The following WTAP variants were observed in gnomAD, a reference collection of about 807,000 sequenced individuals.
The protein encoded by WTAP is WT1 associated protein, also known as pre-mRNA-splicing regulator WTAP.
In WTAP, 8 loss-of-function variants were observed where a neutral mutation model predicts 50.0. That is an observed-to-expected ratio of 0.16 (90% CI 0.09 to 0.29). WTAP has a LOEUF of 0.29. Among genes scored for constraint, WTAP ranks in the 10% least tolerant of loss-of-function variants. The pLI is 1.00. For synonymous variants in WTAP, 194 were observed against 169.0 expected (o/e 1.15, Z -1.15); for missense variants, 295 against 470.7 (o/e 0.63, Z 3.45).
chr6:159,754,577 T>G (rs1205432851), intron 7 of WTAP, among the ~76,000 whole-genome samples: 1 of 152,194 alleles, frequency 6.6e-6, no homozygotes, highest in African/African-American at 2.4e-5. Flanking sequence ...AGTAAGCCCC[T>G]CATATAAAAT....
chr6:159,731,636 CTG>C (rs1241258795), intron 1 of WTAP, among the ~76,000 whole-genome samples: 5 of 152,140 alleles, frequency 3.3e-5, no homozygotes, highest in African/African-American at 9.7e-5. Context: ...AACACTGAGT[CTG>C]TGTTTTTGAT....
chr6:159,743,174 A>G (rs560429873), intron 4 of WTAP, among the ~76,000 whole-genome samples: 2 of 152,298 alleles, frequency 1.3e-5, no homozygotes, highest in South Asian at 4.1e-4. Context: ...CAGCCTCCCA[A>G]GTAGCTGGGA....
upstream of WTAP, chr6:159,727,098 G>C (rs935028945): frequency 6.7e-6 from 8 of 1,194,226 alleles, no homozygotes; most frequent in African/African-American, 1.1e-4. Context: ...GACCTCGCTG[G>C]CCCGCCCCTC....
At chr6:159,746,669 A>G (rs1341739721) in intron 5 of WTAP, among the ~76,000 whole-genome samples, 1 of 152,152 alleles carries the variant, frequency 6.6e-6, no homozygotes, top group Non-Finnish European at 1.5e-5. Flanking sequence ...TCTTAACTAT[A>G]TTTTATTTTG....
At chr6:159,731,949 A>G (rs916224165) in intron 1 of WTAP, among the ~76,000 whole-genome samples, 2 of 151,598 alleles carry the variant, frequency 1.3e-5, no homozygotes, top group Non-Finnish European at 2.9e-5. Flanking sequence ...TTAGTGGAAT[A>G]AGAATATGGA....
rs6939440 is a variant in WTAP at position 159,736,681 on chromosome 6, C to T, written c.30+386C>T. ...TATTATTCTTTTCCTAGTGTAAATC[C>T]CTTTGATTGTAATTAAAAACTACTT... On this transcript the variant is annotated intron_variant, in intron 2 of 7. Transcript: ENST00000621533. The T allele has an allele frequency of 5.1e-3, 795 of 156,798 alleles. 5 individuals are homozygous for T. The highest frequency in any genetic ancestry group is 0.018 in the African/African-American group (751 of 41,624). The allele number at this position is 156,798 out of a possible 1,614,324, so 9.7% of individuals were successfully genotyped here.
In WTAP at chr6:159,736,315, G is replaced by GT. The variant is rs765895545; in HGVS notation, c.30+27dup. 1.9e-5 allele frequency: 30 copies of GT among 1,592,342 alleles called. No individual in the cohort carries two copies. The highest frequency in any genetic ancestry group is 1.7e-4 in the Middle Eastern group (1 of 6,000). The stretch of plus-strand genomic sequence containing the variant: ...AAGAAGGTATGGGTTTTGGTTTTGG[G>GT]TTTTTTTGTTTTGTTTTGGGTTTTT... On this transcript the variant is annotated intron_variant, in intron 2 of 7. Transcript: ENST00000621533.
At chr6:159,750,847 G>A (rs1459852800) in intron 6 of WTAP, among the ~76,000 whole-genome samples, 2 of 11,284 alleles carry the variant, frequency 1.8e-4, no homozygotes, top group East Asian at 1.1e-3. Context: ...AGGCAATCCC[G>A]TCTGGAATAT....
intron 3 of WTAP, 65 bp from the exon 4 acceptor site, chr6:159,742,023 A>G (rs566988222): frequency 2.9e-5 from 33 of 1,157,192 alleles, no homozygotes; most frequent in Non-Finnish European, 3.8e-5. Flanking sequence ...GTTTATAGAT[A>G]TCTTCTAGTT....
rs77349174 is a variant in WTAP, at chr6:159,741,837, C to T, written c.87-251C>T. The T allele has an allele frequency of 1.0e-2, 3,154 of 315,606 alleles. 116 individuals carry two copies. The highest frequency in any genetic ancestry group is 0.066 in the African/African-American group (2,921 of 44,404). The allele number at this position is 315,606 out of a possible 1,614,324, so 19.6% of individuals were successfully genotyped here. On this transcript the variant is annotated intron_variant, in intron 3 of 7. Transcript: ENST00000621533. ...ACCCCATCTCTACAAAAAAATGAGC[C>T]ATGTGCCTTTGGTCCCAGCTATACA...
At position 159,755,736 on chromosome 6, in the gene WTAP, GT is replaced by G. The variant is rs1277039315; in HGVS notation, c.*133del. On this transcript the variant is annotated 3_prime_UTR_variant, in exon 8 of 8. Transcript: ENST00000621533. Reference sequence around the variant, plus strand: ...GTGTACGTTTTGGTTTTTTTTTGTTGTTTTTTTTCTTTGTTTTTTTTTTCTT... The same window carrying G: ...GTGTACGTTTTGGTTTTTTTTTGTTGTTTTTTTCTTTGTTTTTTTTTTCTT... 7.1e-5 allele frequency: 26 copies of G among 364,958 alleles called. No homozygotes were observed. The highest frequency in any genetic ancestry group is 4.5e-4 in the African/African-American group (6 of 13,240). 22.6% of individuals were successfully genotyped at this position (364,958 alleles called of 1,614,324 possible). A position where few individuals can be genotyped will look rare whatever the true frequency, so the allele number is the denominator to read the frequency against.
Position 159,739,034 on chromosome 6 carries a change from G to A in WTAP, c.75G>A (p.Glu25=). ...ACTTCAAAGTTATGGCAAGAGATGA[G>A]TTAATTCTAAGGTAAAATGTTCTCT... ...ETDFKVMARD[E]LILRWKQYEA... Residue 25 remains glutamate (E), a synonymous_variant, in exon 3 of 8, where the codon GAG becomes GAA. Transcript: ENST00000621533. 1.2e-6 allele frequency: 2 copies of A among 1,610,974 alleles called. No individual in the cohort carries two copies. The highest frequency in any genetic ancestry group is 2.2e-5 in the East Asian group (1 of 44,628).
Position 159,755,607 on chromosome 6 carries a change from T to A in WTAP, c.1187T>A (p.Leu396Ter). ...AGTGTAAATGTACAGGGTTCAGTTT[T>A]GTAATATTTTTTCAGCAAATTTTTA... ...DSSVNVQGSVL is the reference protein window; with the variant it reads ...DSSVNVQGSV The change falls in exon 8 of 8, where the codon TTG (leucine) becomes TAG (stop). Residue 396 changes from leucine (L) to a stop codon, truncating the protein, a stop_gained. Transcript: ENST00000621533. LOFTEE classifies it high-confidence loss of function. 6.3e-7 allele frequency: 1 copy of A among 1,589,740 alleles called. No homozygotes were observed. Among genetic ancestry groups the A allele is most frequent in the African/African-American group, 1.4e-5 (1 of 74,030 alleles).
chr6:159,731,860 T>C (rs1778591250), intron 1 of WTAP, among the ~76,000 whole-genome samples: 1 of 152,242 alleles, frequency 6.6e-6, no homozygotes, highest in South Asian at 2.1e-4. Flanking sequence ...ACTTTCTTCA[T>C]GTGTTTCTCA....
chr6:159,748,741 A>G lies in WTAP; in HGVS notation c.452+372A>G. 6.5e-6 allele frequency: 8 copies of G among 1,237,076 alleles called. No homozygotes were observed. The highest frequency in any genetic ancestry group is 8.1e-6 in the Non-Finnish European group (8 of 990,856). The allele number at this position is 1,237,076 out of a possible 1,614,324, so 76.6% of individuals were successfully genotyped here. On this transcript the variant is annotated intron_variant, in intron 6 of 7. Coordinates refer to ENST00000621533, the MANE Select transcript of WTAP (RefSeq NM_001270531.2). The surrounding 1 kb of genome is among the most constrained non-coding windows in gnomAD (Gnocchi z 5.6). ...TCTGTGGCACACTGTGTCTTCAGACAGTTTGAAGGAATGAAAACCTAGAGA... is the reference window on the plus strand; with the variant it reads ...TCTGTGGCACACTGTGTCTTCAGACGGTTTGAAGGAATGAAAACCTAGAGA...
chr6:159,732,168 A>G (rs1274489421), intron 1 of WTAP, among the ~76,000 whole-genome samples: 2 of 152,086 alleles, frequency 1.3e-5, no homozygotes, highest in Non-Finnish European at 1.5e-5. Context: ...AGTTTGATTG[A>G]AAAAAATCCA....
intron 6 of WTAP, among the ~76,000 whole-genome samples, chr6:159,749,581 A>G (rs1271119109): frequency 6.6e-6 from 1 of 152,140 alleles, no homozygotes; most frequent in African/African-American, 2.4e-5. Flanking sequence ...GCTGTGCCTC[A>G]TTTTTAAAAG....
At chr6:159,751,103 T>C (rs889134201) in intron 6 of WTAP, among the ~76,000 whole-genome samples, 3 of 152,240 alleles carry the variant, frequency 2.0e-5, no homozygotes, top group African/African-American at 7.2e-5. Flanking sequence ...GTTGATTTTT[T>C]TGTTTGTAAT....
chr6:159,753,532 G>C lies in WTAP; in HGVS notation c.525G>C (p.Leu175=). ...IQENQELGRQ[L]SQGRIAQLEA... is the part of the protein sequence containing the mutation. ...AGAATCAAGAGCTTGGAAGGCAGCT[G>C]TCCCAGGGACGTATTGCACAACTTG... The change falls in exon 7 of 8, where the codon CTG becomes CTC. Residue 175 remains leucine, a synonymous_variant. Transcript: ENST00000621533. 6.2e-7 allele frequency: 1 copy of C among 1,614,208 alleles called. No homozygotes were observed. Among genetic ancestry groups the C allele is most frequent in the Non-Finnish European group, 8.5e-7 (1 of 1,180,034 alleles).
Sources: gnomAD v4.1 joint callset for allele counts (sites outside exome capture counted in the v4.1 genomes callset) on GRCh38, gnomAD v4.1.1 for gene constraint, Gnocchi (gnomAD v3.1) non-coding constraint, MANE v1.5 for transcripts, NCBI Gene and HGNC (gene_info 2026-07-23, HGNC 2026-07-21) for gene names.